Variants in PCDH7 observed in about 807,000 individuals in gnomAD.
The protein encoded by PCDH7 is protocadherin-7.
In PCDH7, 17 loss-of-function variants were observed where a neutral mutation model predicts 58.9. The ratio of observed to expected loss-of-function variants is 0.29; its 90% confidence interval spans 0.20 to 0.43. The LOEUF (loss-of-function observed/expected upper bound fraction) is 0.43. Among genes scored for constraint, PCDH7 ranks in the 20% least tolerant of loss-of-function variants. PCDH7 has a pLI of 1.00. For missense variants in PCDH7, 1,274 were observed against 1,441.0 expected (o/e 0.88, Z 1.88); for synonymous variants, 664 against 616.4 (o/e 1.08, Z -1.14).
chr4:30,834,697 C>T (rs1002548983), intron 1 of PCDH7, among the ~76,000 whole-genome samples: 1 of 151,316 alleles, frequency 6.6e-6, no homozygotes, highest in African/African-American at 2.4e-5. Context: ...TCTTCCAAGA[C>T]ATTTGTGTAA....
At chr4:30,773,984 T>G (rs913761217) in intron 1 of PCDH7, among the ~76,000 whole-genome samples, 1 of 152,194 alleles carries the variant, frequency 6.6e-6, no homozygotes, top group Non-Finnish European at 1.5e-5. Flanking sequence ...AAGTAGCACC[T>G]GAGATCTTGG....
At chr4:30,991,226 G>A (rs528517081) in intron 3 of PCDH7, among the ~76,000 whole-genome samples, 78 of 152,250 alleles carry the variant, frequency 5.1e-4, no homozygotes, top group African/African-American at 1.8e-3. Context: ...GCTAAATTAT[G>A]CCATTGGCTG....
chr4:31,126,995 A>G (rs919560936), intron 3 of PCDH7, among the ~76,000 whole-genome samples: 4 of 152,234 alleles, frequency 2.6e-5, no homozygotes, highest in Non-Finnish European at 5.9e-5. Context: ...CATTGCTCAC[A>G]TGGGAAAATC....
intron 1 of PCDH7, among the ~76,000 whole-genome samples, chr4:30,799,762 A>G (rs1725283996): frequency 6.6e-6 from 1 of 152,086 alleles, no homozygotes; most frequent in Non-Finnish European, 1.5e-5. Flanking sequence ...TCCTTACCAG[A>G]CTTATTATTA....
intron 1 of PCDH7, among the ~76,000 whole-genome samples, chr4:30,794,750 C>A (rs999418918): frequency 6.6e-6 from 1 of 151,430 alleles, no homozygotes; most frequent in African/African-American, 2.4e-5. Flanking sequence ...TTAATACAAT[C>A]GATTGAAAGT....
At chr4:30,758,554 A>G (rs142656702) in intron 1 of PCDH7, among the ~76,000 whole-genome samples, 1 of 152,316 alleles carries the variant, frequency 6.6e-6, no homozygotes, top group African/African-American at 2.4e-5. Flanking sequence ...TTTGCCATAC[A>G]TATATATTTG....
intron 3 of PCDH7, among the ~76,000 whole-genome samples, chr4:30,969,963 C>T (rs1749410020): frequency 6.6e-6 from 1 of 152,100 alleles, no homozygotes; most frequent in South Asian, 2.1e-4. Flanking sequence ...CCAGACATTG[C>T]TGCTTGAATT....
At chr4:30,927,079 A>T (rs969056511) in intron 2 of PCDH7, among the ~76,000 whole-genome samples, 3 of 152,104 alleles carry the variant, frequency 2.0e-5, no homozygotes, top group Non-Finnish European at 4.4e-5. Context: ...CGCTCATCAA[A>T]TCTCAAAGTG....
chr4:30,951,752 CTG>C (rs1446846711), intron 3 of PCDH7, among the ~76,000 whole-genome samples: 3 of 152,040 alleles, frequency 2.0e-5, no homozygotes, highest in Admixed American at 2.0e-4. Flanking sequence ...GGTAAGAAAA[CTG>C]AGAGGTGGCG....
chr4:30,896,701 C>G (rs1739433420), intron 1 of PCDH7, among the ~76,000 whole-genome samples: 1 of 151,776 alleles, frequency 6.6e-6, no homozygotes, highest in Non-Finnish European at 1.5e-5. Context: ...TTTATTCCTT[C>G]AAAATATTTA....
chr4:31,123,965 A>G (rs1717989636), intron 3 of PCDH7, among the ~76,000 whole-genome samples: 1 of 151,938 alleles, frequency 6.6e-6, no homozygotes, highest in Admixed American at 6.6e-5. Flanking sequence ...TCTCCTCTCA[A>G]CGTCCAGATG....
At chr4:31,091,984 T>C (rs1229450926) in intron 3 of PCDH7, among the ~76,000 whole-genome samples, 1 of 151,952 alleles carries the variant, frequency 6.6e-6, no homozygotes, top group African/African-American at 2.4e-5. Flanking sequence ...GGTGGTCGTC[T>C]GAGTAATTTC....
At position 31,016,297 on chromosome 4, in the gene PCDH7, T is replaced by G. The variant is rs569251497; in HGVS notation, c.*7+66082T>G. On this transcript the variant is annotated intron_variant, in intron 3 of 3. Transcript: ENST00000509759. ...CAGGTTGTGAACATTCTTTTAGGTG[T>G]TTTTGAATAATTTCTTCAGAAAATT... 2.6e-5 allele frequency among the ~76,000 whole-genome samples: 4 copies of G among 152,298 alleles called. No individual in the cohort carries two copies. In the South Asian group the frequency reaches 8.3e-4, roughly 32 times the overall value.
chr4:30,796,312 C>T (rs191205902), intron 1 of PCDH7, among the ~76,000 whole-genome samples: 105 of 152,210 alleles, frequency 6.9e-4, no homozygotes, highest in African/African-American at 2.3e-3. Flanking sequence ...CAGTAGTCAC[C>T]GTTATTTACT....
At chr4:30,941,187 T>C (rs1745998147) in intron 2 of PCDH7, among the ~76,000 whole-genome samples, 1 of 151,968 alleles carries the variant, frequency 6.6e-6, no homozygotes, top group Non-Finnish European at 1.5e-5. Context: ...TTAAAATACA[T>C]TAACTAAGAA....
intron 3 of PCDH7, among the ~76,000 whole-genome samples, chr4:30,965,913 G>A (rs1199589250): frequency 2.0e-5 from 3 of 152,044 alleles, no homozygotes; most frequent in Admixed American, 1.3e-4. Flanking sequence ...AGCAGTATCC[G>A]GACAGGATGG....
chr4:31,077,181 C>T (rs544869048), intron 3 of PCDH7, among the ~76,000 whole-genome samples: 10 of 152,034 alleles, frequency 6.6e-5, no homozygotes, highest in African/African-American at 2.2e-4. Context: ...GAGGCCGAGG[C>T]GAGCAGATCA....
chr4:30,912,272 A>G (rs1372919559), intron 1 of PCDH7, among the ~76,000 whole-genome samples: 2 of 152,194 alleles, frequency 1.3e-5, no homozygotes, highest in Non-Finnish European at 2.9e-5. Context: ...CTAATGCACT[A>G]TGGAATCCTA....
chr4:31,069,369 A>T (rs575880490), intron 3 of PCDH7, among the ~76,000 whole-genome samples: 1 of 149,872 alleles, frequency 6.7e-6, no homozygotes, highest in Non-Finnish European at 1.5e-5. Flanking sequence ...CTGGTGCCTC[A>T]TGCCTCAAAT....
Sources: allele counts gnomAD v4.1 joint callset (sites outside exome capture counted in the v4.1 genomes callset), GRCh38; gene constraint gnomAD v4.1.1; transcripts MANE v1.5; gene names NCBI Gene and HGNC (gene_info 2026-07-23, HGNC 2026-07-21).